Variants in RNF213 observed in about 807,000 individuals in gnomAD.
The protein encoded by RNF213 is ring finger protein 213, also known as E3 ubiquitin-protein ligase RNF213.
A neutral mutation model predicts 514.4 loss-of-function variants in RNF213; 341 were observed. The ratio of observed to expected loss-of-function variants is 0.66; its 90% CI spans 0.61 to 0.73. The LOEUF (loss-of-function observed/expected upper bound fraction) is 0.73, where lower values mean the gene tolerates loss of function less well. Ranked by LOEUF, RNF213 falls within the 30% of genes least tolerant of loss-of-function variation. The pLI, the probability that RNF213 is intolerant of heterozygous loss-of-function variation, is 0.00. For missense variants in RNF213, 5,767 were observed against 6,615.6 expected, an observed-to-expected ratio of 0.87 and a Z score of 4.45; for synonymous variants, 2,655 against 2,658.2, an observed-to-expected ratio of 1.00 and a Z score of 0.04.
At chr17:80,389,565 T>C (rs2144662436) in intron 65 of RNF213, among the ~76,000 whole-genome samples, 198 bp downstream of exon 65, 1 of 152,194 alleles carries the variant, frequency 6.6e-6, no homozygotes. Flanking sequence ...GCGCTAGAAA[T>C]GCCAGCAGTC....
In RNF213 at chr17:80,381,486, G is replaced by C. The variant is rs1048102932; in HGVS notation, c.13798-61G>C. The C allele has an allele frequency of 3.8e-6, 6 of 1,572,166 alleles. No individual in the cohort carries two copies. The African/African-American group carries it at 6.8e-5, about 18-fold the overall frequency. On this transcript the variant is annotated intron_variant, in intron 56 of 67. Coordinates refer to ENST00000582970, the MANE Select transcript of RNF213 (RefSeq NM_001256071.3). ...CTCCACTCCCAATGGCCTCTACCAG[G>C]CTCACCATCTTCTCTACAAACCAGA...
intron 17 of RNF213, among the ~76,000 whole-genome samples, chr17:80,322,348 G>T (rs1168636950): frequency 7.9e-5 from 12 of 151,758 alleles, no homozygotes; most frequent in Non-Finnish European, 1.5e-5. Context: ...AATTTCTGTG[G>T]GCCGGGCATG....
In RNF213 at chr17:80,263,368, T is replaced by G. The variant is rs1243845689; in HGVS notation, c.-108-206T>G. ...GGCTGCCCCACGCCTGCCTGGAGCA[T>G]CCCCTATCCCCACCCAGCCCAACCC... On this transcript the variant is annotated intron_variant, in intron 1 of 67. Transcript: ENST00000582970. The surrounding 1 kb of genome is among the most constrained non-coding windows in gnomAD (Gnocchi z 4.9). 1.3e-5 allele frequency among the ~76,000 whole-genome samples: 2 copies of G among 152,056 alleles called. No individual in the cohort carries two copies. Among genetic ancestry groups the G allele is most frequent in the South Asian group, 2.1e-4 (1 of 4,824 alleles).
In RNF213 at chr17:80,393,569, T is replaced by C; in HGVS notation, c.*71T>C. ...CTCTCTCCTCGTCTGCGGCGTGGAC[T>C]TGATCATGGACTGGTGCCTTTGCAT... On this transcript the variant is annotated 3_prime_UTR_variant, in exon 68 of 68. Transcript: ENST00000582970. 1 of 1,530,484 alleles carries C rather than the reference T, an allele frequency of 6.5e-7. No homozygotes were observed. The highest frequency in any genetic ancestry group is 9.0e-7 in the Non-Finnish European group (1 of 1,111,520). 94.8% of individuals were successfully genotyped at this position (1,530,484 alleles called of 1,614,324 possible).
At position 80,390,060 on chromosome 17, in the gene RNF213, G is replaced by A; in HGVS notation, c.15334G>A (p.Glu5112Lys). The A allele has an allele frequency of 6.2e-7, 1 of 1,614,214 alleles. No homozygotes were observed. Among genetic ancestry groups the A allele is most frequent in the Non-Finnish European group, 8.5e-7 (1 of 1,180,042 alleles). Residue 5112 changes from glutamate (E) to lysine (K), a missense_variant, in exon 67 of 68, where the codon GAA (glutamate) becomes AAA (lysine). Coordinates refer to ENST00000582970, the MANE Select transcript of RNF213 (RefSeq NM_001256071.3). ...AAGGTACAAAGCGGATCTGAGCCCG[G>A]AAAATGCTAAGCTCCTCAGCACATT... The part of the protein sequence containing the change: ...SSRYKADLSP[E>K]NAKLLSTFLN...
intron 10 of RNF213, among the ~76,000 whole-genome samples, chr17:80,297,310 C>T (rs940038095): frequency 1.3e-5 from 2 of 151,684 alleles, no homozygotes; most frequent in Non-Finnish European, 2.9e-5. Context: ...TTTAGCCGGG[C>T]GTGGTGGTGC....
intron 40 of RNF213, 80 bp from the exon 41 acceptor site, chr17:80,363,529 C>A: frequency 1.3e-6 from 2 of 1,495,226 alleles, no homozygotes; most frequent in Non-Finnish European, 1.9e-6. Flanking sequence ...CACAAGTATA[C>A]ATGCAGCTAA....
intron 3 of RNF213, among the ~76,000 whole-genome samples, chr17:80,279,114 G>T (rs1013281670): frequency 6.6e-6 from 1 of 152,256 alleles, no homozygotes; most frequent in African/African-American, 2.4e-5. Flanking sequence ...AGGATGTTTT[G>T]CTAGTGGTGA....
chr17:80,368,435 T>TG (rs2079368716), intron 44 of RNF213, among the ~76,000 whole-genome samples: 1 of 148,410 alleles, frequency 6.7e-6, no homozygotes, highest in Non-Finnish European at 1.5e-5. Context: ...ACGCCAGTGT[T>TG]TTTTTTTTTT....
chr17:80,310,759 T>A (rs2045543958), intron 14 of RNF213, among the ~76,000 whole-genome samples: 1 of 152,046 alleles, frequency 6.6e-6, no homozygotes, highest in African/African-American at 2.4e-5. Context: ...TACATGTTGG[T>A]CAGGCTGGCC....
In RNF213 at chr17:80,394,209, G is replaced by C. The variant is rs1419230385; in HGVS notation, c.*711G>C. ...TTTCTCACGCATAAAATGGAGAGTG[G>C]ATTAATCGCCAAAGATTCTTCTGAT... On this transcript the variant is annotated 3_prime_UTR_variant, in exon 68 of 68. Coordinates refer to ENST00000582970, the MANE Select transcript of RNF213 (RefSeq NM_001256071.3). 1 of 152,268 alleles carries C rather than the reference G, an allele frequency of 6.6e-6. No individual in the cohort carries two copies. Among genetic ancestry groups the C allele is most frequent in the Non-Finnish European group, 1.5e-5 (1 of 68,092 alleles). 9.4% of individuals were successfully genotyped at this position (152,268 alleles called of 1,614,324 possible).
chr17:80,340,158 G>C lies in RNF213; in HGVS notation c.5791G>C (p.Asp1931His), dbSNP rs919706339. The change falls in exon 26 of 68, where the codon GAT (aspartate) becomes CAT (histidine). Residue 1931 changes from aspartate (D) to histidine (H), a missense_variant. By Grantham distance (81) the Asp-to-His change is moderately conservative (BLOSUM62 -1). Coordinates refer to ENST00000582970, the MANE Select transcript of RNF213 (RefSeq NM_001256071.3). ...AGACTACCAGCTCGTCATGGTCTGT[G>C]ATGGGGACTGGGAGCACTGCTACCT... is the stretch of plus-strand genomic sequence containing the variant. ...REDYQLVMVC[D>H]GDWEHCYLPS... 1.2e-6 allele frequency: 2 copies of C among 1,613,982 alleles called. No individual in the cohort carries two copies. The highest frequency in any genetic ancestry group is 1.7e-6 in the Non-Finnish European group (2 of 1,179,984).
Position 80,376,555 on chromosome 17 carries a change from C to G in RNF213, c.13428+12C>G. The G allele has an allele frequency of 6.2e-7, 1 of 1,613,910 alleles. No individual in the cohort carries two copies. The highest frequency in any genetic ancestry group is 8.5e-7 in the Non-Finnish European group (1 of 1,180,024). On this transcript the variant is annotated intron_variant, in intron 52 of 67. Transcript: ENST00000582970. ...CAGCCACCATGGCGGTAAGAGTAGG[C>G]CACAATTCCATCGGCCTTCACTGGA...
At position 80,385,434 on chromosome 17, in the gene RNF213, C is replaced by T; in HGVS notation, c.14456-104C>T. 1.1e-5 allele frequency: 12 copies of T among 1,072,528 alleles called. No individual in the cohort carries two copies. The South Asian group carries it at 1.6e-4, about 14-fold the overall frequency. The allele number at this position is 1,072,528 out of a possible 1,614,324, so 66.4% of individuals were successfully genotyped here. On this transcript the variant is annotated intron_variant, in intron 60 of 67. Transcript: ENST00000582970. ...CACCTCAGACATGCTTGTGACTGCA[C>T]AAAGCAGGAAAGATGGGCTCTCGGC...
At chr17:80,372,059 T>C in intron 47 of RNF213, 74 bp downstream of exon 47, 1 of 870,352 alleles carries the variant, frequency 1.1e-6, no homozygotes, top group Non-Finnish European at 2.0e-6. Flanking sequence ...TTACAGAATA[T>C]AATTTTAGTC....
At position 80,380,921 on chromosome 17, in the gene RNF213, G is replaced by C. The variant is rs764824345; in HGVS notation, c.13731G>C (p.Val4577=). Residue 4577 remains valine, a synonymous_variant, in exon 56 of 68, where the codon GTG becomes GTC. Transcript: ENST00000582970. ...VVTCDRGLPP[V]VFLLIRLLTH... is the part of the protein sequence containing the mutation. ...CATGTGACCGAGGGCTGCCCCCAGT[G>C]GTCTTCCTCCTTATCCGGCTACTCA... 3 of 1,614,178 alleles carry C rather than the reference G, an allele frequency of 1.9e-6. No individual in the cohort carries two copies. The highest frequency in any genetic ancestry group is 4.5e-5 in the East Asian group (2 of 44,880).
At position 80,273,296 on chromosome 17, in the gene RNF213, T is replaced by C; in HGVS notation, c.153T>C (p.Cys51=). 1 of 1,613,586 alleles carries C rather than the reference T, an allele frequency of 6.2e-7. No individual in the cohort carries two copies. Among genetic ancestry groups the C allele is most frequent in the Non-Finnish European group, 8.5e-7 (1 of 1,179,988 alleles). The change falls in exon 3 of 68, where the codon TGT becomes TGC. Residue 51 remains cysteine (C), a synonymous_variant. Transcript: ENST00000582970. ...MASASEGEME[C]GQELKEEGGP... ...CGGCCTCGGAGGGTGAAATGGAGTG[T>C]GGGCAGGAGCTGAAGGAGGAAGGGG... is the stretch of plus-strand genomic sequence containing the variant.
intron 57 of RNF213, chr17:80,382,053 G>A (rs529670326): frequency 1.6e-5 from 6 of 364,440 alleles, no homozygotes; most frequent in Admixed American, 7.9e-5. Flanking sequence ...CTTCAGTTCC[G>A]AAGTCAGCCC....
chr17:80,308,106 G>C (rs1295248270), intron 13 of RNF213, among the ~76,000 whole-genome samples: 1 of 152,000 alleles, frequency 6.6e-6, no homozygotes, highest in African/African-American at 2.4e-5. Flanking sequence ...TACCCTGAGG[G>C]GTCAGCAGAC....
Sources: allele counts gnomAD v4.1 joint callset (sites outside exome capture counted in the v4.1 genomes callset), GRCh38; gene constraint gnomAD v4.1.1; non-coding constraint Gnocchi (gnomAD v3.1); transcripts MANE v1.5; gene names NCBI Gene and HGNC (gene_info 2026-07-23, HGNC 2026-07-21).